Variants in NT5DC1 observed in about 807,000 individuals in gnomAD.
NT5DC1 encodes 5'-nucleotidase domain containing 1.
NT5DC1 carries 42 observed loss-of-function variants against 59.4 expected under a neutral mutation model. That is an observed-to-expected ratio of 0.71 (90% CI 0.55 to 0.92). The LOEUF is 0.92. Among genes scored for constraint, NT5DC1 ranks in the 40% least tolerant of loss-of-function variants. NT5DC1 has a pLI of 0.00. For missense variants in NT5DC1, 501 were observed against 537.1 expected (o/e 0.93, Z 0.66); for synonymous variants, 172 against 188.1 (o/e 0.91, Z 0.70).
At chr6:116,167,605 T>G (rs1287593812) in intron 6 of NT5DC1, among the ~76,000 whole-genome samples, 1 of 152,208 alleles carries the variant, frequency 6.6e-6, no homozygotes, top group African/African-American at 2.4e-5. Context: ...TTTTATAAAT[T>G]GACAGGCATT....
chr6:116,241,944 C>CAAAAA (rs1173659223), intron 11 of NT5DC1, among the ~76,000 whole-genome samples: 24 of 34,392 alleles, frequency 7.0e-4, no homozygotes, highest in Non-Finnish European at 1.0e-3. Flanking sequence ...AAAAACAAAA[C>CAAAAA]AAAAAAAAAA....
chr6:116,176,324 A>AAGAC (rs1371185111), intron 6 of NT5DC1, among the ~76,000 whole-genome samples: 2 of 152,076 alleles, frequency 1.3e-5, no homozygotes, highest in Non-Finnish European at 2.9e-5. Context: ...CCCCTAGCAG[A>AAGAC]AGACTGCTGT....
intron 6 of NT5DC1, among the ~76,000 whole-genome samples, chr6:116,192,118 TAGAG>T (rs1311344401): frequency 6.6e-6 from 1 of 152,026 alleles, no homozygotes; most frequent in African/African-American, 2.4e-5. Context: ...ATTAGGTGGT[TAGAG>T]AGAGTGGTAG....
At chr6:116,163,345 A>G (rs550410806) in intron 6 of NT5DC1, among the ~76,000 whole-genome samples, 3 of 151,416 alleles carry the variant, frequency 2.0e-5, no homozygotes, top group Non-Finnish European at 2.9e-5. Flanking sequence ...CCCTGGTTCA[A>G]TCTGGGAGGT....
chr6:116,182,058 A>G (rs1397603980), intron 6 of NT5DC1, among the ~76,000 whole-genome samples: 1 of 151,974 alleles, frequency 6.6e-6, no homozygotes, highest in Non-Finnish European at 1.5e-5. Context: ...AGTCCAGTGT[A>G]TTATTCTTAT....
At chr6:116,159,161 G>C (rs1324531684) in intron 6 of NT5DC1, among the ~76,000 whole-genome samples, 4 of 151,992 alleles carry the variant, frequency 2.6e-5, no homozygotes, top group African/African-American at 9.6e-5. Context: ...TCAATGTTTT[G>C]TTTTTGGTTT....
chr6:116,184,234 G>A (rs1780944656), intron 6 of NT5DC1, among the ~76,000 whole-genome samples: 1 of 151,808 alleles, frequency 6.6e-6, no homozygotes, highest in South Asian at 2.1e-4. Context: ...CTATCCCTGC[G>A]TCCCTCATAT....
At position 116,198,539 on chromosome 6, in the gene NT5DC1, G is replaced by A. The variant is rs545259255; in HGVS notation, c.530-22515G>A. On this transcript the variant is annotated intron_variant, in intron 6 of 11. Coordinates refer to ENST00000319550, the MANE Select transcript of NT5DC1 (RefSeq NM_152729.3). ...GAGGCCAGGAGTTCAAGACTAGCCT[G>A]GACAGCATAATGAGACCTCATCCCT... Among the ~76,000 whole-genome samples, 25 of 151,958 alleles carry A rather than the reference G, an allele frequency of 1.6e-4. No homozygotes were observed. The South Asian group carries it at 5.0e-3, about 30-fold the overall frequency.
chr6:116,114,980 C>T (rs1441041307), intron 4 of NT5DC1, among the ~76,000 whole-genome samples: 3 of 152,132 alleles, frequency 2.0e-5, no homozygotes, highest in African/African-American at 4.8e-5. Flanking sequence ...TGCAATCAGA[C>T]GCAGGCCAAG....
At chr6:116,207,848 A>G (rs1319674887) in intron 6 of NT5DC1, among the ~76,000 whole-genome samples, 1 of 151,894 alleles carries the variant, frequency 6.6e-6, no homozygotes, top group Non-Finnish European at 1.5e-5. Flanking sequence ...GTGCCTCATT[A>G]CTGATCATTA....
intron 4 of NT5DC1, among the ~76,000 whole-genome samples, chr6:116,114,522 T>A (rs1778929439): frequency 1.2e-5 from 1 of 85,498 alleles, no homozygotes; most frequent in Non-Finnish European, 2.1e-5. Flanking sequence ...ATACATAGCT[T>A]GCAAATTGGG....
In NT5DC1 at chr6:116,121,018, T is replaced by G. The variant is rs372512492; in HGVS notation, c.529+3073T>G. 2.3e-4 allele frequency: 369 copies of G among 1,614,024 alleles called. 3 individuals carry two copies. The South Asian group carries it at 3.8e-3, about 17-fold the overall frequency. ...CCCCAGGGTATCCTGCAGGCCCAGC[T>G]GGCCCTGTCTCACCTTTAGGGCCTG... is the stretch of plus-strand genomic sequence containing the variant. On this transcript the variant is annotated intron_variant, in intron 6 of 11. Coordinates refer to ENST00000319550, the MANE Select transcript of NT5DC1 (RefSeq NM_152729.3).
At chr6:116,157,281 A>T (rs1255229164) in intron 6 of NT5DC1, among the ~76,000 whole-genome samples, 1 of 152,146 alleles carries the variant, frequency 6.6e-6, no homozygotes, top group Non-Finnish European at 1.5e-5. Context: ...TTTCTGTAAA[A>T]ATGTCAGATT....
chr6:116,145,211 G>GATAACAGCTAACTATTAAATGTCCCCAAA (rs2114378498), intron 6 of NT5DC1, among the ~76,000 whole-genome samples: 2 of 152,230 alleles, frequency 1.3e-5, no homozygotes, highest in African/African-American at 4.8e-5. Context: ...GAGGACAACT[G>GATAACAGCTAACTATTAAATGTCCCCAAA]ATAACAGCTA....
chr6:116,125,578 GA>G (rs1779277496), intron 6 of NT5DC1: 8 of 1,387,448 alleles, frequency 5.8e-6, no homozygotes, highest in Middle Eastern at 1.9e-4. Flanking sequence ...ATGTTTCACA[GA>G]TGAGTTCTTT....
At chr6:116,114,536 AGGGG>A (rs1229150345) in intron 4 of NT5DC1, among the ~76,000 whole-genome samples, 2 of 20,254 alleles carry the variant, frequency 9.9e-5, no homozygotes, top group African/African-American at 4.2e-4. Context: ...AATTGGGGGG[AGGGG>A]GGGGGAGTCA....
In NT5DC1 at chr6:116,244,902, G is replaced by A. The variant is rs1771812511; in HGVS notation, c.*878G>A. On this transcript the variant is annotated 3_prime_UTR_variant, in exon 12 of 12. Coordinates refer to ENST00000319550, the MANE Select transcript of NT5DC1 (RefSeq NM_152729.3). Reference sequence around the variant, plus strand: ...AACTTTAAGCATTACATTCTCAATTGGGGACAAAAATTGGTTCTTGGGGTG... The same window carrying A: ...AACTTTAAGCATTACATTCTCAATTAGGGACAAAAATTGGTTCTTGGGGTG... The A allele has an allele frequency of 6.6e-6, 1 of 151,986 alleles. No homozygotes were observed. The highest frequency in any genetic ancestry group is 1.5e-5 in the Non-Finnish European group (1 of 67,994). The allele number at this position is 151,986 out of a possible 1,614,324, so 9.4% of individuals were successfully genotyped here. A position where few individuals can be genotyped will look rare whatever the true frequency, so the allele number is the denominator to read the frequency against.
At chr6:116,175,053 T>C (rs144987279) in intron 6 of NT5DC1, among the ~76,000 whole-genome samples, 12 of 152,330 alleles carry the variant, frequency 7.9e-5, no homozygotes, top group African/African-American at 2.9e-4. Context: ...TTTTAAAAAT[T>C]AAGGAATTAG....
intron 6 of NT5DC1, among the ~76,000 whole-genome samples, chr6:116,177,355 G>A (rs1780758565): frequency 6.6e-6 from 1 of 152,072 alleles, no homozygotes; most frequent in Non-Finnish European, 1.5e-5. Flanking sequence ...TCCAAAGACA[G>A]GCACCACTAT....
Sources: gnomAD v4.1 joint callset for allele counts (sites outside exome capture counted in the v4.1 genomes callset) on GRCh38, gnomAD v4.1.1 for gene constraint, MANE v1.5 for transcripts, NCBI Gene and HGNC (gene_info 2026-07-23, HGNC 2026-07-21) for gene names.